Variants in RCAN2 observed in about 807,000 individuals in gnomAD.
RCAN2 encodes calcipressin-2.
RCAN2 carries 9 observed loss-of-function variants against 23.6 expected under a neutral mutation model. The observed-to-expected ratio is 0.38, with a 90% CI of 0.23 to 0.67. RCAN2 has a LOEUF of 0.67. RCAN2 is among the 30% of genes least tolerant of loss of function. The probability of loss-of-function intolerance (pLI) is 0.51; values close to 1 mark genes in which losing one functional copy is unlikely to be tolerated. For missense variants in RCAN2, 273 were observed against 302.3 expected (o/e 0.90, Z 0.72); for synonymous variants, 109 against 115.7 (o/e 0.94, Z 0.37).
chr6:46,458,640 A>C (rs1768117348), intron 1 of RCAN2, among the ~76,000 whole-genome samples: 1 of 152,166 alleles, frequency 6.6e-6, no homozygotes, highest in African/African-American at 2.4e-5. Flanking sequence ...AAAATATATG[A>C]ATATTTTTAA....
chr6:46,236,959 C>G (rs1766122144), intron 4 of RCAN2, among the ~76,000 whole-genome samples: 1 of 152,178 alleles, frequency 6.6e-6, no homozygotes, highest in Admixed American at 6.5e-5. Context: ...TTCATAATAT[C>G]TAGTTATACA....
intron 1 of RCAN2, among the ~76,000 whole-genome samples, chr6:46,473,992 A>C (rs998489134): frequency 3.9e-5 from 6 of 152,154 alleles, no homozygotes; most frequent in African/African-American, 1.4e-4. Flanking sequence ...GGACAGAAGG[A>C]CTCATCCTGA....
chr6:46,444,780 C>T (rs1341336396), intron 2 of RCAN2, among the ~76,000 whole-genome samples: 1 of 152,150 alleles, frequency 6.6e-6, no homozygotes, highest in Non-Finnish European at 1.5e-5. Flanking sequence ...CACTGCTATG[C>T]TTCTTCACAC....
chr6:46,479,746 C>T (rs1167563409), intron 1 of RCAN2, among the ~76,000 whole-genome samples: 3 of 152,076 alleles, frequency 2.0e-5, no homozygotes, highest in South Asian at 2.1e-4. Flanking sequence ...CCATGCCTGG[C>T]TAATTTTTGT....
intron 4 of RCAN2, among the ~76,000 whole-genome samples, chr6:46,237,153 C>T (rs145298678): frequency 1.3e-5 from 2 of 152,194 alleles, no homozygotes; most frequent in East Asian, 3.9e-4. Context: ...ACTTTTAATA[C>T]ATTTTCATGG....
chr6:46,360,485 G>A (rs1162319296), intron 2 of RCAN2, among the ~76,000 whole-genome samples: 1 of 122,170 alleles, frequency 8.2e-6, no homozygotes, highest in African/African-American at 3.1e-5. Flanking sequence ...AGTCAGCCGA[G>A]ATCGTGCCAC....
intron 2 of RCAN2, chr6:46,325,436 G>A: frequency 6.2e-7 from 1 of 1,614,152 alleles, no homozygotes; most frequent in East Asian, 2.2e-5. Flanking sequence ...CACCACACAG[G>A]CAACCAGAGT....
chr6:46,341,864 GT>G (rs1417178322), intron 2 of RCAN2, among the ~76,000 whole-genome samples: 1 of 152,112 alleles, frequency 6.6e-6, no homozygotes, highest in South Asian at 2.1e-4. Context: ...TCCTTTTCAG[GT>G]AAGGGTTGTG....
At chr6:46,476,067 T>C (rs1266734686) in intron 1 of RCAN2, among the ~76,000 whole-genome samples, 1 of 152,164 alleles carries the variant, frequency 6.6e-6, no homozygotes, top group African/African-American at 2.4e-5. Context: ...GGAATAGTAA[T>C]GCCTTTCATC....
intron 2 of RCAN2, among the ~76,000 whole-genome samples, chr6:46,437,204 A>G (rs1378877787): frequency 6.6e-6 from 1 of 152,238 alleles, no homozygotes; most frequent in Non-Finnish European, 1.5e-5. Context: ...ACATTGACCC[A>G]TAATGTTCCA....
intron 2 of RCAN2, among the ~76,000 whole-genome samples, chr6:46,281,291 G>A (rs1021082131): frequency 2.0e-5 from 3 of 152,224 alleles, no homozygotes; most frequent in Admixed American, 6.5e-5. Context: ...CAGCTGTCAC[G>A]AGCAGAATTT....
intron 2 of RCAN2, among the ~76,000 whole-genome samples, chr6:46,442,553 T>C (rs1472811882): frequency 6.6e-6 from 1 of 152,238 alleles, no homozygotes; most frequent in African/African-American, 2.4e-5. Flanking sequence ...GAAGCAGCTC[T>C]GATGGAAACC....
At chr6:46,342,162 T>G (rs1226870614) in intron 2 of RCAN2, among the ~76,000 whole-genome samples, 1 of 152,294 alleles carries the variant, frequency 6.6e-6, no homozygotes, top group Non-Finnish European at 1.5e-5. Flanking sequence ...AGACTGGCTC[T>G]AGGCTCAAGG....
intron 1 of RCAN2, among the ~76,000 whole-genome samples, chr6:46,490,531 C>G (rs1769110128): frequency 6.6e-6 from 1 of 152,156 alleles, no homozygotes; most frequent in Non-Finnish European, 1.5e-5. Context: ...TGGGATTTGC[C>G]TGTTCCCTCT....
chr6:46,352,058 C>A (rs768942639), intron 2 of RCAN2, among the ~76,000 whole-genome samples: 2 of 152,182 alleles, frequency 1.3e-5, no homozygotes, highest in Non-Finnish European at 2.9e-5. Context: ...ACCCACTACC[C>A]CCACAAACAT....
At chr6:46,302,192 C>T (rs972247005) in intron 2 of RCAN2, among the ~76,000 whole-genome samples, 19 of 152,042 alleles carry the variant, frequency 1.2e-4, no homozygotes, top group East Asian at 3.9e-4. Context: ...AGGAAGAATG[C>T]TCCATCTGTG....
chr6:46,256,718 A>C (rs558707239), intron 2 of RCAN2, among the ~76,000 whole-genome samples: 2 of 152,334 alleles, frequency 1.3e-5, no homozygotes, highest in East Asian at 3.9e-4. Flanking sequence ...AAAAAGACTC[A>C]AACATGGCTT....
intron 1 of RCAN2, among the ~76,000 whole-genome samples, chr6:46,459,058 C>T (rs1442669910): frequency 3.9e-5 from 6 of 152,272 alleles, no homozygotes; most frequent in Middle Eastern, 3.4e-3. Flanking sequence ...CTACCACGCC[C>T]GGTTAGTTTT....
chr6:46,365,073 T>C lies in RCAN2; in HGVS notation c.225+91679A>G, dbSNP rs78209919. On this transcript the variant is annotated intron_variant, in intron 2 of 4. Transcript: ENST00000371374. Reference sequence around the variant, plus strand: ...CCTAATCGCACTTTGATACTTCCTATCCCTCTGCCCAGCTTATTTTTCCCC... The same window carrying C: ...CCTAATCGCACTTTGATACTTCCTACCCCTCTGCCCAGCTTATTTTTCCCC... 5.3e-3 allele frequency among the ~76,000 whole-genome samples: 803 copies of C among 152,174 alleles called. 7 individuals are homozygous for C. Among genetic ancestry groups the C allele is most frequent in the African/African-American group, 0.018 (755 of 41,526 alleles).
Sources: allele counts gnomAD v4.1 joint callset (sites outside exome capture counted in the v4.1 genomes callset), GRCh38; gene constraint gnomAD v4.1.1; transcripts MANE v1.5; gene names NCBI Gene and HGNC (gene_info 2026-07-23, HGNC 2026-07-21).